Variants in RAD51B observed in about 807,000 individuals in gnomAD.
RAD51B encodes RAD51 paralog B, also known as DNA repair protein RAD51 homolog 2.
RAD51B carries 38 observed loss-of-function variants against 42.2 expected under a neutral mutation model. The observed-to-expected ratio is 0.90, with a 90% CI of 0.70 to 1.18. The LOEUF (loss-of-function observed/expected upper bound fraction) is 1.18, where lower values mean the gene tolerates loss of function less well. Among genes scored for constraint, RAD51B ranks in the 50% most tolerant of loss-of-function variants. The pLI is 0.00. For missense variants in RAD51B, 373 were observed against 400.7 expected, an observed-to-expected ratio of 0.93 and a Z score of 0.59; for synonymous variants, 154 against 145.2, an observed-to-expected ratio of 1.06 and a Z score of -0.43.
intron 10 of RAD51B, among the ~76,000 whole-genome samples, chr14:68,499,472 A>G (rs117035731): frequency 0.018 from 2,786 of 152,214 alleles, 35 homozygotes; most frequent in Non-Finnish European, 0.032. Context: ...TCATAATCCA[A>G]TGTGATATTT....
chr14:68,590,452 C>T (rs760053984), intron 10 of RAD51B, among the ~76,000 whole-genome samples: 5 of 152,210 alleles, frequency 3.3e-5, no homozygotes, highest in African/African-American at 7.2e-5. Flanking sequence ...TCACCTCCCC[C>T]GCAGCGTTGG....
intron 8 of RAD51B, among the ~76,000 whole-genome samples, chr14:68,361,528 C>T (rs1162040109): frequency 6.6e-6 from 1 of 152,198 alleles, no homozygotes; most frequent in African/African-American, 2.4e-5. Context: ...CACCCAATAT[C>T]ATCATGTCTA....
chr14:68,259,341 A>AC (rs1443306008), intron 7 of RAD51B, among the ~76,000 whole-genome samples: 1 of 151,934 alleles, frequency 6.6e-6, no homozygotes, highest in East Asian at 1.9e-4. Flanking sequence ...TAGGAGATAT[A>AC]CCTAATGCTA....
intron 8 of RAD51B, among the ~76,000 whole-genome samples, chr14:68,303,651 A>G (rs578158490): frequency 6.6e-6 from 1 of 152,212 alleles, no homozygotes; most frequent in African/African-American, 2.4e-5. Flanking sequence ...AAGCAATGAG[A>G]ACTTTAGAAT....
chr14:68,442,953 C>T (rs1468457685), intron 9 of RAD51B, among the ~76,000 whole-genome samples: 2 of 152,120 alleles, frequency 1.3e-5, no homozygotes, highest in African/African-American at 4.8e-5. Context: ...TTGTTGCTCC[C>T]CCTGAAACTT....
downstream of RAD51B, among the ~76,000 whole-genome samples, chr14:68,482,005 G>A (rs1285494506): frequency 2.0e-5 from 3 of 152,202 alleles, no homozygotes; most frequent in Non-Finnish European, 2.9e-5. Flanking sequence ...CCCAGGAAAT[G>A]TTCACAAGAA....
chr14:68,520,324 AT>A (rs1886486320), intron 10 of RAD51B, among the ~76,000 whole-genome samples: 2 of 152,318 alleles, frequency 1.3e-5, no homozygotes, highest in African/African-American at 4.8e-5. Flanking sequence ...TGTAAAACTT[AT>A]GGGATTATAG....
intron 10 of RAD51B, among the ~76,000 whole-genome samples, chr14:68,552,691 C>T (rs1034774372): frequency 1.3e-5 from 2 of 152,000 alleles, no homozygotes; most frequent in African/African-American, 4.8e-5. Context: ...ACACCTGTCC[C>T]ATGATGGAAA....
intron 10 of RAD51B, among the ~76,000 whole-genome samples, chr14:68,570,831 C>A (rs1889658226): frequency 6.6e-6 from 1 of 151,848 alleles, no homozygotes; most frequent in Non-Finnish European, 1.5e-5. Flanking sequence ...AAGGGAAAGG[C>A]TCTGAGGACA....
chr14:67,907,794 A>G (rs1272149147), intron 7 of RAD51B, among the ~76,000 whole-genome samples: 9 of 151,394 alleles, frequency 5.9e-5, no homozygotes, highest in Non-Finnish European at 8.8e-5. Flanking sequence ...GAATAAATAT[A>G]TTGAGGTGGT....
At chr14:68,541,680 G>A (rs762206295) in intron 10 of RAD51B, 6 of 985,462 alleles carry the variant, frequency 6.1e-6, no homozygotes, top group Non-Finnish European at 7.2e-6. Flanking sequence ...GTTTGGGCCT[G>A]AAGAAGCCAT....
intron 8 of RAD51B, among the ~76,000 whole-genome samples, chr14:68,374,394 A>T (rs1279979432): frequency 6.6e-6 from 1 of 152,226 alleles, no homozygotes; most frequent in African/African-American, 2.4e-5. Flanking sequence ...TCTGAGAAGG[A>T]ATCAGTGAAG....
At position 68,066,778 on chromosome 14, in the gene RAD51B, A is replaced by G. The variant is rs1818169263; in HGVS notation, c.756+179574A>G. ...CTCTAAAATATAAAACAATAAAAAT[A>G]TAAAATTTAAAAAATTTTTCTGCTT... On this transcript the variant is annotated intron_variant, in intron 7 of 10. Coordinates refer to ENST00000471583, the MANE Select transcript of RAD51B (RefSeq NM_133510.4). 1.3e-5 allele frequency among the ~76,000 whole-genome samples: 2 copies of G among 152,174 alleles called. 1 individual carries two copies. Among genetic ancestry groups the G allele is most frequent in the South Asian group, 4.1e-4 (2 of 4,828 alleles).
chr14:67,925,378 T>C (rs1246090532), intron 7 of RAD51B, among the ~76,000 whole-genome samples: 1 of 152,086 alleles, frequency 6.6e-6, no homozygotes, highest in Non-Finnish European at 1.5e-5. Flanking sequence ...GTTCAAGCAA[T>C]TCTCCTGCCT....
chr14:67,840,430 AGCTGCATCCAT>A (rs757348591), intron 4 of RAD51B, among the ~76,000 whole-genome samples: 4 of 152,172 alleles, frequency 2.6e-5, no homozygotes, highest in African/African-American at 4.8e-5. Context: ...AATGACCAAG[AGCTGCATCCAT>A]GTTGCTGCAA....
chr14:67,958,820 CA>C (rs2074601811), intron 7 of RAD51B, among the ~76,000 whole-genome samples: 1 of 152,168 alleles, frequency 6.6e-6, no homozygotes, highest in Admixed American at 6.6e-5. Flanking sequence ...ACTGGGCATC[CA>C]AAGTCATTCA....
At chr14:67,943,210 T>C (rs2045268023) in intron 7 of RAD51B, among the ~76,000 whole-genome samples, 1 of 152,172 alleles carries the variant, frequency 6.6e-6, no homozygotes, top group Non-Finnish European at 1.5e-5. Context: ...TAGATTAAGT[T>C]CTTGGTTGAT....
intron 10 of RAD51B, among the ~76,000 whole-genome samples, chr14:68,471,574 C>T (rs1205352480): frequency 6.6e-6 from 1 of 151,828 alleles, no homozygotes; most frequent in African/African-American, 2.4e-5. Context: ...AATAAAGCGG[C>T]AGGCTGGAGA....
intron 4 of RAD51B, among the ~76,000 whole-genome samples, chr14:67,847,942 G>C (rs1332233563): frequency 6.6e-6 from 1 of 152,148 alleles, no homozygotes; most frequent in South Asian, 2.1e-4. Context: ...AGAAGAACTT[G>C]TTTTATGAAT....
Sources: gnomAD v4.1 joint callset for allele counts (sites outside exome capture counted in the v4.1 genomes callset) on GRCh38, gnomAD v4.1.1 for gene constraint, MANE v1.5 for transcripts, NCBI Gene and HGNC (gene_info 2026-07-23, HGNC 2026-07-21) for gene names.